DNAH9: variants seen among roughly 807,000 people sequenced by gnomAD.
DNAH9 encodes the protein dynein axonemal heavy chain 9, also known as DNAH9 variant protein.
A neutral mutation model predicts 471.6 loss-of-function variants in DNAH9; 345 were observed. That is an observed-to-expected ratio of 0.73 (90% CI 0.67 to 0.80). The LOEUF (loss-of-function observed/expected upper bound fraction) is 0.80. Ranked by LOEUF, DNAH9 falls within the 30% of genes least tolerant of loss-of-function variation. The pLI is 0.00. For missense variants in DNAH9, 5,407 were observed against 5,609.2 expected (o/e 0.96, Z 1.15); for synonymous variants, 2,093 against 2,123.6 (o/e 0.99, Z 0.40).
intron 58 of DNAH9, among the ~76,000 whole-genome samples, chr17:11,893,833 C>G (rs1179262179): frequency 1.3e-5 from 2 of 152,154 alleles, no homozygotes; most frequent in East Asian, 3.9e-4. Context: ...ATCTATGTAA[C>G]AAACCTGCAC....
rs988542586 is a variant in DNAH9, at chr17:11,705,077, A to G, written c.5444A>G (p.Asp1815Gly). 1.2e-6 allele frequency: 2 copies of G among 1,614,188 alleles called. No homozygotes were observed. The highest frequency in any genetic ancestry group is 1.6e-4 in the Middle Eastern group (1 of 6,062). ...CTGTCTCAGCTGCGCCATCGTTGGG[A>G]TGACGAGGTCAAACACTGCTTTGCC... ...LWLSQLRHRW[D>G]DEVKHCFANI... Residue 1815 changes from aspartate to glycine, a missense_variant, in exon 26 of 69, where the codon GAT (aspartate) becomes GGT (glycine). Asp to Gly is a moderately conservative substitution (Grantham distance 94, BLOSUM62 -1). Coordinates refer to ENST00000262442, the MANE Select transcript of DNAH9 (RefSeq NM_001372.4).
At chr17:11,762,770 G>GTTTGTTTGTTTGTTTTT (rs1193246497) in intron 35 of DNAH9, among the ~76,000 whole-genome samples, 1 of 90,744 alleles carries the variant, frequency 1.1e-5, no homozygotes, top group Non-Finnish European at 2.2e-5. Flanking sequence ...TTTTTTTTTT[G>GTTTGTTTGTTTGTTTTT]TTTTTTTTTT....
chr17:11,803,977 C>T (rs771231960), intron 43 of DNAH9, among the ~76,000 whole-genome samples: 2 of 152,164 alleles, frequency 1.3e-5, no homozygotes, highest in Non-Finnish European at 1.5e-5. Context: ...TTGCACCCAG[C>T]GTAATGAATC....
At chr17:11,828,148 C>G (rs544695511) in intron 48 of DNAH9, among the ~76,000 whole-genome samples, 4 of 152,116 alleles carry the variant, frequency 2.6e-5, no homozygotes, top group South Asian at 2.1e-4. Context: ...GTAGTCTATT[C>G]TCAGCTGAGC....
chr17:11,809,875 A>AT (rs1461104584), intron 44 of DNAH9, among the ~76,000 whole-genome samples: 2 of 152,104 alleles, frequency 1.3e-5, no homozygotes, highest in African/African-American at 4.8e-5. Flanking sequence ...AGACAGATAA[A>AT]TGGGGGACCA....
chr17:11,743,569 C>T (rs950247880), intron 30 of DNAH9, among the ~76,000 whole-genome samples: 19 of 152,186 alleles, frequency 1.2e-4, no homozygotes, highest in African/African-American at 4.3e-4. Flanking sequence ...ACAGCAGCGG[C>T]TCACAGCTCT....
chr17:11,681,975 G>A (rs1182872845), intron 19 of DNAH9, among the ~76,000 whole-genome samples: 1 of 152,108 alleles, frequency 6.6e-6, no homozygotes, highest in Non-Finnish European at 1.5e-5. Flanking sequence ...ACATATAGTT[G>A]TGGGTTGAAT....
intron 38 of DNAH9, 38 bp downstream of exon 38, chr17:11,769,367 G>C (rs779900376): frequency 1.3e-6 from 2 of 1,557,888 alleles, no homozygotes; most frequent in African/African-American, 1.4e-5. Context: ...GGGGCATCTG[G>C]GTGGCCGTGT....
intron 61 of DNAH9, among the ~76,000 whole-genome samples, chr17:11,919,494 CAAAAAAAAAAGAAAAA>C (rs1302375649): frequency 1.9e-5 from 2 of 107,554 alleles, no homozygotes; most frequent in Non-Finnish European, 3.7e-5. Context: ...GACTCCGTCT[CAAAAAAAAAAGAAAAA>C]AAAAAAAAAA....
rs552596106 is a variant in DNAH9, at chr17:11,732,752, T to C, written c.5814+4830T>C. ...TCAGCTGTCTATGCTTTGGGTTATCTGCGCCCGGGGACATGTGCCACGAGG... is the reference window on the plus strand; with the variant it reads ...TCAGCTGTCTATGCTTTGGGTTATCCGCGCCCGGGGACATGTGCCACGAGG... On this transcript the variant is annotated intron_variant, in intron 28 of 68. Transcript: ENST00000262442. Among the ~76,000 whole-genome samples the C allele has an allele frequency of 1.7e-3, 261 of 152,366 alleles. 7 individuals are homozygous for C. In the South Asian group the frequency reaches 0.052, roughly 30 times the overall value.
chr17:11,953,073 C>T (rs1401885567), intron 67 of DNAH9, among the ~76,000 whole-genome samples: 1 of 152,156 alleles, frequency 6.6e-6, no homozygotes, highest in East Asian at 1.9e-4. Flanking sequence ...ATTAGGGCTT[C>T]ATCCTTATGA....
intron 27 of DNAH9, among the ~76,000 whole-genome samples, chr17:11,724,427 A>G (rs1377189587): frequency 6.6e-6 from 1 of 152,130 alleles, no homozygotes; most frequent in Non-Finnish European, 1.5e-5. Context: ...ACAGCATGTG[A>G]TATTTGTCTT....
intron 64 of DNAH9, 32 bp from the exon 65 acceptor site, chr17:11,933,846 CTT>C (rs746864037): frequency 2.1e-5 from 34 of 1,586,854 alleles, no homozygotes; most frequent in Non-Finnish European, 2.8e-5. Flanking sequence ...GGAGGTCTTT[CTT>C]CCTTCCTCTC....
rs1318034287 is a variant in DNAH9, at chr17:11,617,508, G to A, written c.1002G>A (p.Gln334=). The A allele has an allele frequency of 1.2e-6, 2 of 1,614,132 alleles. No individual in the cohort carries two copies. The highest frequency in any genetic ancestry group is 2.2e-5 in the South Asian group (2 of 91,074). ...CAGAATTTCCGGAGGTGAAGCCCCA[G>A]CTGCGGCCCCTGCTCCACGTGGTCT... ...ENAEFPEVKP[Q]LRPLLHVVCL... Residue 334 remains glutamine, a synonymous_variant, in exon 5 of 69, where the codon CAG becomes CAA. Transcript: ENST00000262442.
At chr17:11,773,665 G>A (rs570308485) in intron 38 of DNAH9, among the ~76,000 whole-genome samples, 25 of 152,132 alleles carry the variant, frequency 1.6e-4, no homozygotes, top group Middle Eastern at 6.8e-3. Context: ...AAACTGACTG[G>A]GTGCTGAGGG....
chr17:11,925,028 A>G (rs1157645072), intron 62 of DNAH9: 2 of 363,626 alleles, frequency 5.5e-6, no homozygotes, highest in Non-Finnish European at 1.1e-5. Flanking sequence ...ACTTGTATAC[A>G]TGCTGGAGTT....
intron 17 of DNAH9, among the ~76,000 whole-genome samples, chr17:11,676,363 A>C (rs1200228697): frequency 7.0e-6 from 1 of 143,590 alleles, no homozygotes; most frequent in African/African-American, 2.5e-5. Context: ...GCTCACTGCA[A>C]CCTCCACCTC....
chr17:11,697,844 A>T (rs995403440), intron 22 of DNAH9, among the ~76,000 whole-genome samples: 1 of 151,834 alleles, frequency 6.6e-6, no homozygotes, highest in Non-Finnish European at 1.5e-5. Context: ...GTACTCTGTC[A>T]TTGTTAGTCT....
chr17:11,933,040 T>C (rs1490937206), intron 64 of DNAH9, among the ~76,000 whole-genome samples: 1 of 152,186 alleles, frequency 6.6e-6, no homozygotes, highest in Admixed American at 6.5e-5. Flanking sequence ...TCTCCAGCCC[T>C]TGGGCCTGGG....
Sources: gnomAD v4.1 joint callset for allele counts (sites outside exome capture counted in the v4.1 genomes callset) on GRCh38, gnomAD v4.1.1 for gene constraint, MANE v1.5 for transcripts, NCBI Gene and HGNC (gene_info 2026-07-23, HGNC 2026-07-21) for gene names.